The following CDK5RAP1 variants were observed in gnomAD, a reference collection of about 807,000 sequenced individuals.
CDK5RAP1 encodes CDK5RAP1 mitochondrial tRNA methylthiotransferase.
CDK5RAP1 carries 62 observed loss-of-function variants against 64.5 expected under a neutral mutation model. That is an observed-to-expected ratio of 0.96 (90% CI 0.78 to 1.19). The LOEUF is 1.19. Among genes scored for constraint, CDK5RAP1 ranks in the 50% most tolerant of loss-of-function variants. The pLI is 0.00. For missense variants in CDK5RAP1, 657 were observed against 735.0 expected, an observed-to-expected ratio of 0.89 and a Z score of 1.23; for synonymous variants, 250 against 261.9, an observed-to-expected ratio of 0.95 and a Z score of 0.44.
rs774820329 is a variant in CDK5RAP1 at position 33,394,018 on chromosome 20, G to A, written c.443+14C>T. On this transcript the variant is annotated intron_variant, in intron 4 of 13. Transcript: ENST00000346416. ...TAAAATACATTCACTCCTAGGAAAA[G>A]AACAAATTCGCACCTGATAGAGCAT... is the stretch of plus-strand genomic sequence containing the variant. The A allele has an allele frequency of 6.4e-7, 1 of 1,571,120 alleles. No individual in the cohort carries two copies. The highest frequency in any genetic ancestry group is 1.7e-5 in the Admixed American group (1 of 59,944).
intron 1 of CDK5RAP1, among the ~76,000 whole-genome samples, chr20:33,400,634 T>C (rs1388423553): frequency 6.6e-6 from 1 of 152,090 alleles, no homozygotes; most frequent in Non-Finnish European, 1.5e-5. Context: ...GCATCCTGGT[T>C]AAGAGTATGA....
chr20:33,385,632 G>C lies in CDK5RAP1; in HGVS notation c.876+18C>G, dbSNP rs1311291646. ...CCCCAAACATGTTCACAGCAAGAAA[G>C]CCTGGAGAACTCTTCACCTGCTCAG... On this transcript the variant is annotated intron_variant, in intron 7 of 13. Transcript: ENST00000346416. 8 of 1,613,304 alleles carry C rather than the reference G, an allele frequency of 5.0e-6. No homozygotes were observed. Among genetic ancestry groups the C allele is most frequent in the Admixed American group, 1.7e-5 (1 of 59,802 alleles).
chr20:33,387,270 AAAGTGTG>A, intron 6 of CDK5RAP1, 46 bp downstream of exon 6: 1 of 1,398,174 alleles, frequency 7.2e-7, no homozygotes. Flanking sequence ...AAAAAAAAAA[AAAGTGTG>A]AAAGGAGGAA....
At chr20:33,389,398 G>A (rs562434228) in intron 5 of CDK5RAP1, among the ~76,000 whole-genome samples, 5 of 151,698 alleles carry the variant, frequency 3.3e-5, no homozygotes, top group African/African-American at 1.2e-4. Flanking sequence ...CAGCCGCCCC[G>A]TCTGAGAAGT....
chr20:33,393,918 TC>T, intron 4 of CDK5RAP1, 113 bp downstream of exon 4: 1 of 774,910 alleles, frequency 1.3e-6, no homozygotes, highest in Non-Finnish European at 2.3e-6. Flanking sequence ...AAACTGCAAG[TC>T]CTACTGCCAT....
At chr20:33,387,129 TG>T (rs566175160) in intron 6 of CDK5RAP1, among the ~76,000 whole-genome samples, 193 bp downstream of exon 6, 51 of 151,314 alleles carry the variant, frequency 3.4e-4, no homozygotes, top group Admixed American at 3.0e-3. Context: ...TAGCCAGGTG[TG>T]GGGGTGCACA....
intron 8 of CDK5RAP1, 117 bp downstream of exon 8, chr20:33,379,344 A>C (rs1986445026): frequency 1.9e-5 from 13 of 690,478 alleles, no homozygotes; most frequent in Middle Eastern, 3.8e-4. Flanking sequence ...TGATGCAGCA[A>C]TACCCCACAG....
intron 11 of CDK5RAP1, among the ~76,000 whole-genome samples, chr20:33,368,150 T>C (rs913421955): frequency 2.6e-5 from 4 of 152,216 alleles, no homozygotes; most frequent in Non-Finnish European, 4.4e-5. Context: ...GAGGCACAAT[T>C]TGAGTGCTTG....
intron 12 of CDK5RAP1, 96 bp downstream of exon 12, chr20:33,366,763 T>C (rs932636310): frequency 5.1e-6 from 6 of 1,182,134 alleles, no homozygotes; most frequent in African/African-American, 3.1e-5. Context: ...GCCCAGCAGT[T>C]TGAGTCCAGC....
chr20:33,364,504 C>T (rs748974325), intron 12 of CDK5RAP1, among the ~76,000 whole-genome samples: 1 of 152,038 alleles, frequency 6.6e-6, no homozygotes, highest in African/African-American at 2.4e-5. Flanking sequence ...GTATCTTATA[C>T]TTGCTTTAAA....
rs754487260 is a variant in CDK5RAP1 at position 33,387,358 on chromosome 20, TG to T, written c.719del (p.Pro240GlnfsTer44). 3 of 1,614,068 alleles carry T rather than the reference TG, an allele frequency of 1.9e-6. No individual in the cohort carries two copies. Among genetic ancestry groups the T allele is most frequent in the Non-Finnish European group, 2.5e-6 (3 of 1,180,014 alleles). On this transcript the variant is annotated frameshift_variant, in exon 6 of 14. Coordinates refer to ENST00000346416, the MANE Select transcript of CDK5RAP1 (RefSeq NM_016408.4). LOFTEE classifies it high-confidence loss of function. Reference sequence around the variant, plus strand: ...ACGTGGCACTGGCGCTTGTCTGGACTGGCATGACATCAGCATAGGTCTCGTC... The same window carrying T: ...ACGTGGCACTGGCGCTTGTCTGGACTGCATGACATCAGCATAGGTCTCGTC... ...SLDETYADVM[P>X]VQTSASATSA...
chr20:33,372,178 A>T (rs1001525490), intron 10 of CDK5RAP1, among the ~76,000 whole-genome samples: 6 of 152,176 alleles, frequency 3.9e-5, no homozygotes, highest in Non-Finnish European at 8.8e-5. Flanking sequence ...AAGTGATTTT[A>T]AAATGTATCT....
intron 5 of CDK5RAP1, among the ~76,000 whole-genome samples, chr20:33,391,482 T>C (rs1568725576): frequency 1.3e-5 from 2 of 152,128 alleles, no homozygotes; most frequent in African/African-American, 2.4e-5. Flanking sequence ...AAATCTTCAC[T>C]TGAGCTTGCT....
chr20:33,391,835 A>T (rs1364553557), intron 5 of CDK5RAP1, among the ~76,000 whole-genome samples: 1 of 151,928 alleles, frequency 6.6e-6, no homozygotes, highest in African/African-American at 2.4e-5. Flanking sequence ...AAAAAAAAAA[A>T]AGAAATTCAA....
At chr20:33,396,675 C>T (rs75837607) in intron 2 of CDK5RAP1, 86 bp downstream of exon 2, 48,985 of 1,017,998 alleles carry the variant, frequency 0.048, 1,526 homozygotes, top group Admixed American at 0.11. Flanking sequence ...ACCTTCCAAG[C>T]CAGTTCTGTA....
chr20:33,379,702 GAA>G lies in CDK5RAP1; in HGVS notation c.877-13_877-12del. The G allele has an allele frequency of 6.3e-7, 1 of 1,585,394 alleles. No homozygotes were observed. Among genetic ancestry groups the G allele is most frequent in the Non-Finnish European group, 8.6e-7 (1 of 1,157,822 alleles). On this transcript the variant is annotated splice_polypyrimidine_tract_variant and intron_variant, in intron 7 of 13. Coordinates refer to ENST00000346416, the MANE Select transcript of CDK5RAP1 (RefSeq NM_016408.4). ...CACTTCTTTCAGCCCCTAAACATGG[GAA>G]AATATATTGGAATTTTAAAACTTTT...
At chr20:33,399,042 G>A (rs962476568) in intron 1 of CDK5RAP1, among the ~76,000 whole-genome samples, 10 of 151,790 alleles carry the variant, frequency 6.6e-5, no homozygotes, top group Admixed American at 1.3e-4. Flanking sequence ...AAAGAGGGTG[G>A]GAATATTGAG....
At chr20:33,374,248 C>T in intron 8 of CDK5RAP1, 36 bp from the exon 9 acceptor site, 1 of 1,384,704 alleles carries the variant, frequency 7.2e-7, no homozygotes, top group South Asian at 1.2e-5. Flanking sequence ...TAATCACAAT[C>T]TCACCAAAGA....
intron 7 of CDK5RAP1, among the ~76,000 whole-genome samples, chr20:33,383,953 T>G (rs920671537): frequency 6.6e-6 from 1 of 152,074 alleles, no homozygotes; most frequent in Non-Finnish European, 1.5e-5. Flanking sequence ...TAAATTTAGG[T>G]GATTGTTAGC....
Sources: gnomAD v4.1 joint callset for allele counts (sites outside exome capture counted in the v4.1 genomes callset) on GRCh38, gnomAD v4.1.1 for gene constraint, MANE v1.5 for transcripts, NCBI Gene and HGNC (gene_info 2026-07-23, HGNC 2026-07-21) for gene names.